The following DPYD variants were observed in gnomAD, a reference collection of about 807,000 sequenced individuals.
DPYD encodes dihydropyrimidine dehydrogenase [NADP(+)].
A neutral mutation model predicts 116.2 loss-of-function variants in DPYD; 109 were observed. The observed-to-expected ratio is 0.94, with a 90% confidence interval of 0.80 to 1.10. DPYD has a LOEUF of 1.10. DPYD is among the 50% of genes least tolerant of loss of function. The probability of loss-of-function intolerance (pLI) is 0.00; values close to 1 mark genes in which losing one functional copy is unlikely to be tolerated. For missense variants in DPYD, 1,302 were observed against 1,254.5 expected, an observed-to-expected ratio of 1.04 and a Z score of -0.57; for synonymous variants, 440 against 432.0, an observed-to-expected ratio of 1.02 and a Z score of -0.23.
chr1:97,656,803 G>A (rs2245907), intron 8 of DPYD, among the ~76,000 whole-genome samples: 151,819 of 151,836 alleles, frequency 1, 75,901 homozygotes, highest in Middle Eastern at 1. Flanking sequence ...TTGTCTCAAT[G>A]CTTAGGAATT....
intron 20 of DPYD, among the ~76,000 whole-genome samples, chr1:97,185,613 T>G (rs77141363): frequency 0.11 from 16,170 of 152,224 alleles, 1,224 homozygotes; most frequent in East Asian, 0.39. Flanking sequence ...GGTATTTTAA[T>G]AAAATATAGT....
intron 13 of DPYD, among the ~76,000 whole-genome samples, chr1:97,451,025 G>T (rs1344019677): frequency 6.6e-6 from 1 of 151,994 alleles, no homozygotes; most frequent in East Asian, 1.9e-4. Context: ...TTAATTTTGA[G>T]GAAAGGTCAT....
chr1:97,589,989 C>T (rs1006689201), intron 10 of DPYD, among the ~76,000 whole-genome samples: 1 of 152,120 alleles, frequency 6.6e-6, no homozygotes, highest in African/African-American at 2.4e-5. Context: ...TTCATATTGG[C>T]TAAAAATTAT....
intron 21 of DPYD, among the ~76,000 whole-genome samples, chr1:97,097,325 T>G (rs1391714281): frequency 6.6e-6 from 1 of 152,150 alleles, no homozygotes; most frequent in East Asian, 1.9e-4. Context: ...ATACATTTTT[T>G]TTTTCTTCAT....
intron 16 of DPYD, among the ~76,000 whole-genome samples, chr1:97,353,045 A>C (rs1444054468): frequency 6.6e-6 from 1 of 152,204 alleles, no homozygotes; most frequent in Non-Finnish European, 1.5e-5. Context: ...ACTGTCAGAC[A>C]CAAAACCCTC....
chr1:97,258,793 C>T (rs1037521370), intron 18 of DPYD, among the ~76,000 whole-genome samples: 3 of 152,168 alleles, frequency 2.0e-5, no homozygotes, highest in African/African-American at 7.2e-5. Flanking sequence ...GGTGGTGTTG[C>T]ATAAGGACCA....
At chr1:97,531,384 C>A (rs1212483549) in intron 12 of DPYD, among the ~76,000 whole-genome samples, 2 of 152,132 alleles carry the variant, frequency 1.3e-5, no homozygotes, top group African/African-American at 4.8e-5. Context: ...CAATCCTTTC[C>A]CCGCTATGCA....
intron 3 of DPYD, among the ~76,000 whole-genome samples, chr1:97,809,320 C>A (rs576564560): frequency 6.6e-6 from 1 of 152,146 alleles, no homozygotes; most frequent in Admixed American, 6.5e-5. Context: ...CACACAGACA[C>A]GTGATTCATG....
At chr1:97,527,936 A>G (rs1347735424) in intron 12 of DPYD, among the ~76,000 whole-genome samples, 1 of 152,144 alleles carries the variant, frequency 6.6e-6, no homozygotes, top group Non-Finnish European at 1.5e-5. Flanking sequence ...TCACTTAGTC[A>G]TTTTGTTTAT....
intron 14 of DPYD, among the ~76,000 whole-genome samples, chr1:97,426,796 G>A (rs1420716543): frequency 6.6e-6 from 1 of 152,090 alleles, no homozygotes; most frequent in Admixed American, 6.6e-5. Flanking sequence ...AAGAGGATAT[G>A]TTTCAAAGAG....
At chr1:97,920,808 G>A in intron 1 of DPYD, 76 bp downstream of exon 1, 2 of 1,537,942 alleles carry the variant, frequency 1.3e-6, no homozygotes, top group Non-Finnish European at 1.8e-6. Flanking sequence ...GGGGCCGCGG[G>A]GGCCTCCCCG....
intron 2 of DPYD, among the ~76,000 whole-genome samples, chr1:97,841,371 TCC>T (rs1476633081): frequency 6.6e-6 from 1 of 152,024 alleles, no homozygotes; most frequent in Non-Finnish European, 1.5e-5. Flanking sequence ...CTCATCATAA[TCC>T]ACAAGTGGCT....
intron 13 of DPYD, among the ~76,000 whole-genome samples, chr1:97,479,943 T>C (rs1356220825): frequency 2.0e-5 from 3 of 152,216 alleles, no homozygotes; most frequent in East Asian, 3.8e-4. Flanking sequence ...GAGAGACCAT[T>C]TGACTTACAT....
chr1:97,655,658 C>A (rs1658862705), intron 8 of DPYD, among the ~76,000 whole-genome samples: 1 of 152,132 alleles, frequency 6.6e-6, no homozygotes, highest in Non-Finnish European at 1.5e-5. Context: ...CTTTTTATAG[C>A]AGAAGCAATC....
At chr1:97,281,349 C>T (rs1665310608) in intron 18 of DPYD, among the ~76,000 whole-genome samples, 1 of 151,498 alleles carries the variant, frequency 6.6e-6, no homozygotes, top group Non-Finnish European at 1.5e-5. Flanking sequence ...AACCAGATCA[C>T]AAGAGATAAA....
chr1:97,778,562 A>G (rs1434679603), intron 3 of DPYD, among the ~76,000 whole-genome samples: 2 of 152,180 alleles, frequency 1.3e-5, no homozygotes, highest in Non-Finnish European at 2.9e-5. Flanking sequence ...CAATGCTACC[A>G]AAGTCAAAGT....
At chr1:97,852,484 A>G (rs1431321133) in intron 2 of DPYD, among the ~76,000 whole-genome samples, 2 of 152,172 alleles carry the variant, frequency 1.3e-5, no homozygotes, top group East Asian at 1.9e-4. Flanking sequence ...CTGAAGAATA[A>G]AACATAATAA....
At chr1:97,692,381 T>A (rs1035361976) in intron 6 of DPYD, among the ~76,000 whole-genome samples, 7 of 152,026 alleles carry the variant, frequency 4.6e-5, no homozygotes, top group Non-Finnish European at 2.9e-5. Flanking sequence ...AGTTCAGTCA[T>A]TAAAAAACAA....
At chr1:97,865,116 C>T (rs1558017547) in intron 2 of DPYD, among the ~76,000 whole-genome samples, 1 of 151,984 alleles carries the variant, frequency 6.6e-6, no homozygotes, top group East Asian at 1.9e-4. Flanking sequence ...TTGGGACATT[C>T]TCACCAGGGG....
Sources: allele counts gnomAD v4.1 joint callset (sites outside exome capture counted in the v4.1 genomes callset), GRCh38; gene constraint gnomAD v4.1.1; transcripts MANE v1.5; gene names NCBI Gene and HGNC (gene_info 2026-07-23, HGNC 2026-07-21).